SEL1L2: variants seen among roughly 807,000 people sequenced by gnomAD.
SEL1L2 encodes the protein SEL1L2 adaptor subunit of SYVN1 ubiquitin ligase.
In SEL1L2, 89 loss-of-function variants were observed where a neutral mutation model predicts 98.8. The observed-to-expected ratio is 0.90, with a 90% CI of 0.76 to 1.07. SEL1L2 has a LOEUF of 1.07. Among genes scored for constraint, SEL1L2 ranks in the 50% least tolerant of loss-of-function variants. The pLI, the probability that SEL1L2 is intolerant of heterozygous loss-of-function variation, is 0.00. For synonymous variants in SEL1L2, 262 were observed against 278.5 expected, an observed-to-expected ratio of 0.94 and a Z score of 0.59; for missense variants, 788 against 812.0, an observed-to-expected ratio of 0.97 and a Z score of 0.36.
At chr20:13,851,866 TG>T (rs887602004) in intron 18 of SEL1L2, among the ~76,000 whole-genome samples, 11 of 149,278 alleles carry the variant, frequency 7.4e-5, no homozygotes, top group African/African-American at 2.7e-4. Context: ...TTGCGGGGGG[TG>T]GGGGTGATGT....
chr20:13,882,755 T>G (rs573689453), intron 10 of SEL1L2, among the ~76,000 whole-genome samples: 1 of 152,206 alleles, frequency 6.6e-6, no homozygotes, highest in East Asian at 1.9e-4. Context: ...CCACCTAAGT[T>G]TGGGACTATT....
chr20:13,954,782 T>A (rs906792153), intron 2 of SEL1L2, among the ~76,000 whole-genome samples: 1 of 152,120 alleles, frequency 6.6e-6, no homozygotes, highest in Non-Finnish European at 1.5e-5. Context: ...GGCACTGACT[T>A]GCAAGATGCC....
chr20:13,862,095 G>T (rs1025306906), intron 17 of SEL1L2, among the ~76,000 whole-genome samples: 3 of 152,150 alleles, frequency 2.0e-5, no homozygotes, highest in African/African-American at 7.2e-5. Context: ...CTTAATCACT[G>T]ACACAATCCC....
At chr20:13,982,398 C>A (rs1418943226) in intron 1 of SEL1L2, among the ~76,000 whole-genome samples, 1 of 149,454 alleles carries the variant, frequency 6.7e-6, no homozygotes, top group African/African-American at 2.5e-5. Context: ...GAGGTCCCAG[C>A]TAGTTGGAAG....
intron 9 of SEL1L2, among the ~76,000 whole-genome samples, 197 bp downstream of exon 9, chr20:13,886,091 A>G (rs547330319): frequency 1.2e-3 from 176 of 152,228 alleles, no homozygotes; most frequent in Non-Finnish European, 1.8e-3. Context: ...TGCTATTATT[A>G]TGGCAACTAG....
chr20:13,926,118 A>G (rs137922574), intron 3 of SEL1L2, among the ~76,000 whole-genome samples: 3,994 of 152,244 alleles, frequency 0.026, 148 homozygotes, highest in African/African-American at 0.09. Context: ...GGAGATTGAG[A>G]CCATCCTGGC....
At chr20:13,966,969 C>T (rs1470336183) in intron 1 of SEL1L2, among the ~76,000 whole-genome samples, 1 of 145,668 alleles carries the variant, frequency 6.9e-6, no homozygotes, top group Non-Finnish European at 1.5e-5. Flanking sequence ...GCAATCTCTG[C>T]CTCCTGGGTT....
intron 5 of SEL1L2, among the ~76,000 whole-genome samples, chr20:13,908,113 T>C (rs1342546168): frequency 1.9e-5 from 2 of 107,370 alleles, no homozygotes; most frequent in African/African-American, 3.8e-5. Context: ...CTTTTTTTTT[T>C]TTTTTTTTTT....
chr20:13,890,536 T>A (rs1447514851), intron 5 of SEL1L2, among the ~76,000 whole-genome samples: 4 of 152,164 alleles, frequency 2.6e-5, no homozygotes, highest in Non-Finnish European at 5.9e-5. Context: ...ACGAAGCTAG[T>A]CTATAAAGAC....
chr20:13,849,296 G>A lies in SEL1L2; in HGVS notation c.*189C>T. 1 of 643,008 alleles carries A rather than the reference G, an allele frequency of 1.6e-6. No individual in the cohort carries two copies. The highest frequency in any genetic ancestry group is 2.6e-6 in the Non-Finnish European group (1 of 386,514). 39.8% of individuals were successfully genotyped at this position (643,008 alleles called of 1,614,324 possible). A position where few individuals can be genotyped will look rare whatever the true frequency, so the allele number is the denominator to read the frequency against. On this transcript the variant is annotated 3_prime_UTR_variant, in exon 20 of 20. Coordinates refer to ENST00000284951, the MANE Select transcript of SEL1L2 (RefSeq NM_025229.2). ...ACCAGTTCCCAGCATCCCGCAAAGGGTTTTCTCTACTAAGCAGGAAGTCTG... is the reference window on the plus strand; with the variant it reads ...ACCAGTTCCCAGCATCCCGCAAAGGATTTTCTCTACTAAGCAGGAAGTCTG...
At chr20:13,947,450 C>A (rs990548199) in intron 2 of SEL1L2, among the ~76,000 whole-genome samples, 1 of 152,196 alleles carries the variant, frequency 6.6e-6, no homozygotes, top group South Asian at 2.1e-4. Flanking sequence ...GAGCTACCCA[C>A]TTTGGGTCTC....
intron 1 of SEL1L2, among the ~76,000 whole-genome samples, chr20:13,964,106 C>A (rs1459868504): frequency 6.6e-6 from 1 of 151,706 alleles, no homozygotes. Flanking sequence ...GAACTCCTGA[C>A]CTCATGATCC....
intron 5 of SEL1L2, among the ~76,000 whole-genome samples, chr20:13,895,479 T>C (rs528742672): frequency 2.4e-4 from 33 of 139,242 alleles, no homozygotes; most frequent in African/African-American, 7.8e-4. Flanking sequence ...CCAGTTACCA[T>C]AATACAACAC....
intron 4 of SEL1L2, among the ~76,000 whole-genome samples, chr20:13,916,728 C>T (rs1483478266): frequency 6.6e-6 from 1 of 152,126 alleles, no homozygotes; most frequent in African/African-American, 2.4e-5. Flanking sequence ...ATCGCTTGAA[C>T]TGGGGAGGTG....
intron 1 of SEL1L2, among the ~76,000 whole-genome samples, chr20:13,970,968 A>C (rs1238523421): frequency 2.0e-5 from 3 of 151,240 alleles, no homozygotes; most frequent in Non-Finnish European, 4.4e-5. Flanking sequence ...GGCACGTTTC[A>C]ATTTTTTTCA....
At chr20:13,988,448 G>A (rs2052360017) in intron 1 of SEL1L2, among the ~76,000 whole-genome samples, 1 of 152,104 alleles carries the variant, frequency 6.6e-6, no homozygotes, top group Non-Finnish European at 1.5e-5. Flanking sequence ...CTCCCACACT[G>A]AGTTTTCATG....
At chr20:13,856,506 C>T (rs1434057553) in intron 18 of SEL1L2, among the ~76,000 whole-genome samples, 2 of 152,098 alleles carry the variant, frequency 1.3e-5, no homozygotes, top group Non-Finnish European at 2.9e-5. Flanking sequence ...CTCCCAGTTC[C>T]TCCCCAGGCA....
chr20:13,976,543 T>A (rs2051547924), intron 1 of SEL1L2, among the ~76,000 whole-genome samples: 1 of 152,138 alleles, frequency 6.6e-6, no homozygotes, highest in Non-Finnish European at 1.5e-5. Flanking sequence ...TGAAATAAAA[T>A]ACGTGTGTAG....
chr20:13,926,471 G>A (rs1415213691), intron 3 of SEL1L2, among the ~76,000 whole-genome samples: 1 of 152,142 alleles, frequency 6.6e-6, no homozygotes, highest in Non-Finnish European at 1.5e-5. Context: ...GGAGCTCTGT[G>A]GCGCTAAAAT....
Sources: allele counts gnomAD v4.1 joint callset (sites outside exome capture counted in the v4.1 genomes callset), GRCh38; gene constraint gnomAD v4.1.1; transcripts MANE v1.5; gene names NCBI Gene and HGNC (gene_info 2026-07-23, HGNC 2026-07-21).